Variants in TTLL5 observed in about 807,000 individuals in gnomAD.
TTLL5 encodes tubulin tyrosine ligase like 5, also known as tubulin polyglutamylase TTLL5.
TTLL5 carries 132 observed loss-of-function variants against 168.4 expected under a neutral mutation model. The ratio of observed to expected loss-of-function variants is 0.78; its 90% CI spans 0.68 to 0.91. The LOEUF (loss-of-function observed/expected upper bound fraction) is 0.91, where lower values mean the gene tolerates loss of function less well. Ranked by LOEUF, TTLL5 falls within the 40% of genes least tolerant of loss-of-function variation. The pLI is 0.00. For synonymous variants in TTLL5, 546 were observed against 558.6 expected, an observed-to-expected ratio of 0.98 and a Z score of 0.32; for missense variants, 1,545 against 1,581.5, an observed-to-expected ratio of 0.98 and a Z score of 0.39.
chr14:75,850,212 G>A (rs1221642422), intron 28 of TTLL5, among the ~76,000 whole-genome samples: 1 of 151,754 alleles, frequency 6.6e-6, no homozygotes, highest in Non-Finnish European at 1.5e-5. Context: ...TTCGAGACCA[G>A]CCTGACCAAA....
intron 2 of TTLL5, among the ~76,000 whole-genome samples, chr14:75,665,956 A>G (rs1216687927): frequency 2.0e-5 from 3 of 152,244 alleles, no homozygotes; most frequent in Admixed American, 1.3e-4. Context: ...ATTAAGAAAT[A>G]CTGAATTTCT....
At chr14:75,770,909 G>T (rs1891269654) in intron 20 of TTLL5, among the ~76,000 whole-genome samples, 1 of 152,036 alleles carries the variant, frequency 6.6e-6, no homozygotes, top group African/African-American at 2.4e-5. Context: ...CCTTAAATTT[G>T]GTCTTAAGAG....
intron 29 of TTLL5, among the ~76,000 whole-genome samples, chr14:75,867,653 A>G (rs965356380): frequency 4.6e-5 from 7 of 151,852 alleles, no homozygotes; most frequent in Admixed American, 1.3e-4. Flanking sequence ...CCAGCTACTC[A>G]GGAGGCTGAG....
At chr14:75,842,748 C>T (rs1263852624) in intron 28 of TTLL5, among the ~76,000 whole-genome samples, 2 of 152,280 alleles carry the variant, frequency 1.3e-5, no homozygotes, top group African/African-American at 4.8e-5. Flanking sequence ...AGATTATTCA[C>T]GGTAATGGGA....
chr14:75,874,332 T>C (rs1407807132), intron 29 of TTLL5, among the ~76,000 whole-genome samples: 1 of 152,156 alleles, frequency 6.6e-6, no homozygotes, highest in Non-Finnish European at 1.5e-5. Context: ...GACTTTGTGA[T>C]CCACCCGCCT....
intron 14 of TTLL5, 30 bp from the exon 15 acceptor site, chr14:75,735,165 A>G: frequency 2.5e-6 from 4 of 1,606,416 alleles, no homozygotes; most frequent in Non-Finnish European, 3.4e-6. Context: ...AGAAAATGGC[A>G]GGTTTTAATG....
chr14:75,937,573 A>G (rs533710819), intron 31 of TTLL5, among the ~76,000 whole-genome samples: 1 of 152,190 alleles, frequency 6.6e-6, no homozygotes, highest in East Asian at 1.9e-4. Context: ...TTCTGTCTCT[A>G]TGAATTTGAC....
intron 28 of TTLL5, among the ~76,000 whole-genome samples, chr14:75,841,472 C>A (rs1044528324): frequency 6.6e-6 from 1 of 152,234 alleles, no homozygotes; most frequent in South Asian, 2.1e-4. Flanking sequence ...TTTTGGGCCT[C>A]TTAGAGTCAT....
chr14:75,713,998 A>C (rs1030009273), intron 9 of TTLL5, among the ~76,000 whole-genome samples: 6 of 151,650 alleles, frequency 4.0e-5, no homozygotes, highest in African/African-American at 1.5e-4. Flanking sequence ...CAAGGATCAC[A>C]TGTTGTATTT....
chr14:75,687,369 G>A (rs1885141801), intron 5 of TTLL5, among the ~76,000 whole-genome samples: 1 of 152,236 alleles, frequency 6.6e-6, no homozygotes, highest in South Asian at 2.1e-4. Flanking sequence ...TGCCTCCTGG[G>A]TTCAAGCGAT....
intron 18 of TTLL5, among the ~76,000 whole-genome samples, chr14:75,760,669 A>G (rs1162401666): frequency 6.6e-6 from 1 of 152,102 alleles, no homozygotes; most frequent in Admixed American, 6.5e-5. Context: ...AAAGTAATCC[A>G]ATGGTGAAAG....
At chr14:75,825,655 A>G (rs1895078527) in intron 28 of TTLL5, among the ~76,000 whole-genome samples, 1 of 152,050 alleles carries the variant, frequency 6.6e-6, no homozygotes, top group Non-Finnish European at 1.5e-5. Flanking sequence ...TCAAAGAGAA[A>G]CTACTTTTTG....
At chr14:75,824,900 A>G (rs1895038623) in intron 28 of TTLL5, among the ~76,000 whole-genome samples, 1 of 152,184 alleles carries the variant, frequency 6.6e-6, no homozygotes, top group South Asian at 2.1e-4. Flanking sequence ...CTTGAAAAGC[A>G]TGTTACCTTT....
intron 17 of TTLL5, among the ~76,000 whole-genome samples, chr14:75,749,327 A>C (rs147993816): frequency 6.6e-6 from 1 of 152,346 alleles, no homozygotes; most frequent in East Asian, 1.9e-4. Context: ...AGGAAGTCCA[A>C]CAATGATACC....
At chr14:75,882,630 A>T in intron 29 of TTLL5, 55 bp from the exon 30 acceptor site, 2 of 1,489,072 alleles carry the variant, frequency 1.3e-6, no homozygotes, top group East Asian at 4.5e-5. Flanking sequence ...TACATACAGT[A>T]AATGGGTTGT....
intron 21 of TTLL5, among the ~76,000 whole-genome samples, chr14:75,775,265 G>T (rs1236667840): frequency 6.6e-6 from 1 of 151,958 alleles, no homozygotes; most frequent in Non-Finnish European, 1.5e-5. Context: ...TAAATTTTCT[G>T]ATTGCCAGCT....
chr14:75,731,883 C>T (rs758601597), intron 12 of TTLL5, among the ~76,000 whole-genome samples: 38 of 152,068 alleles, frequency 2.5e-4, no homozygotes, highest in Non-Finnish European at 4.1e-4. Context: ...AGAGAAATGC[C>T]TTCAGGAGAT....
chr14:75,827,363 A>G (rs557002742), intron 28 of TTLL5, among the ~76,000 whole-genome samples: 102 of 152,322 alleles, frequency 6.7e-4, no homozygotes, highest in Non-Finnish European at 1.2e-3. Flanking sequence ...GTAAGTACCC[A>G]CTTATTAAAA....
rs185730687 is a variant in TTLL5, at chr14:75,785,576, C to T, written c.2986+2046C>T. Among the ~76,000 whole-genome samples, 498 of 152,312 alleles carry T rather than the reference C, an allele frequency of 3.3e-3. 3 individuals are homozygous for T. Among genetic ancestry groups the T allele is most frequent in the African/African-American group, 0.011 (457 of 41,560 alleles). On this transcript the variant is annotated intron_variant, in intron 26 of 31. Transcript: ENST00000298832. ...TATGATGTAGGGGTCTAACTTCATT[C>T]TTCTGCATGTGGATATTCAGTTAAA...
Sources: allele counts gnomAD v4.1 joint callset (sites outside exome capture counted in the v4.1 genomes callset), GRCh38; gene constraint gnomAD v4.1.1; transcripts MANE v1.5; gene names NCBI Gene and HGNC (gene_info 2026-07-23, HGNC 2026-07-21).